The following CA7 variants were observed in gnomAD, a reference collection of about 807,000 sequenced individuals.
CA7 encodes carbonate dehydratase VII.
Under a neutral mutation model 31.4 loss-of-function variants are expected in CA7, and 13 were observed. The ratio of observed to expected loss-of-function variants is 0.41; its 90% confidence interval spans 0.27 to 0.66. CA7 has a LOEUF of 0.66. Among genes scored for constraint, CA7 ranks in the 30% least tolerant of loss-of-function variants. CA7 has a pLI of 0.28. For synonymous variants in CA7, 128 were observed against 133.2 expected, an observed-to-expected ratio of 0.96 and a Z score of 0.27; for missense variants, 215 against 351.0, an observed-to-expected ratio of 0.61 and a Z score of 3.10.
At chr16:66,848,839 C>T (rs1426827055) in intron 2 of CA7, among the ~76,000 whole-genome samples, 1 of 152,182 alleles carries the variant, frequency 6.6e-6, no homozygotes, top group Non-Finnish European at 1.5e-5. Context: ...GTGGCATCTG[C>T]AGACCTATCC....
At chr16:66,848,939 C>A (rs879796047) in intron 2 of CA7, among the ~76,000 whole-genome samples, 19 of 152,172 alleles carry the variant, frequency 1.2e-4, no homozygotes, top group Admixed American at 1.2e-3. Flanking sequence ...CTCCCAGACT[C>A]CTAGCCAGTG....
Position 66,852,801 on chromosome 16 carries a change from T to G in CA7, c.606T>G (p.Thr202=). ...HYWTYPGSLT[T]PPLSESVTWI... is the part of the protein sequence containing the mutation. ...GGACCTACCCGGGCTCTCTGACGAC[T>G]CCCCCACTCAGTGAGAGTGTCACCT... The change falls in exon 6 of 7, where the codon ACT becomes ACG. Residue 202 remains threonine (T), a synonymous_variant. Transcript: ENST00000338437. The G allele has an allele frequency of 6.2e-7, 1 of 1,613,824 alleles. No individual in the cohort carries two copies. Among genetic ancestry groups the G allele is most frequent in the South Asian group, 1.1e-5 (1 of 91,058 alleles).
chr16:66,850,592 T>G lies in CA7; in HGVS notation c.290T>G (p.Phe97Cys). 2 of 1,614,142 alleles carry G rather than the reference T, an allele frequency of 1.2e-6. No individual in the cohort carries two copies. The highest frequency in any genetic ancestry group is 1.7e-6 in the Non-Finnish European group (2 of 1,179,994). The change falls in exon 3 of 7, where the codon TTC becomes TGC. Residue 97 changes from phenylalanine to cysteine, a missense_variant. Transcript: ENST00000338437. Reference sequence around the variant, plus strand: ...CCCTACCGCCTCAAGCAGTTTCACTTCCACTGGGGCAAGAAGCACGATGTG... The same window carrying G: ...CCCTACCGCCTCAAGCAGTTTCACTGCCACTGGGGCAAGAAGCACGATGTG... Reference protein sequence around the residue: ...EGPYRLKQFHFHWGKKHDVGS... With the variant: ...EGPYRLKQFHCHWGKKHDVGS...
chr16:66,853,691 G>T lies in CA7; in HGVS notation c.*193G>T. 1 of 647,224 alleles carries T rather than the reference G, an allele frequency of 1.5e-6. No individual in the cohort carries two copies. The highest frequency in any genetic ancestry group is 2.6e-6 in the Non-Finnish European group (1 of 385,180). 40.1% of individuals were successfully genotyped at this position (647,224 alleles called of 1,614,324 possible). On this transcript the variant is annotated 3_prime_UTR_variant, in exon 7 of 7. Coordinates refer to ENST00000338437, the MANE Select transcript of CA7 (RefSeq NM_005182.3). This position sits in a 1 kb window ranked among gnomAD's most constrained non-coding sequence, Gnocchi z 4.5. Reference sequence around the variant, plus strand: ...TGGGGCACCCTTCAGCTGCCCTGGGGACAGGAAGGACAGGAGCTAAGCAGG... The same window carrying T: ...TGGGGCACCCTTCAGCTGCCCTGGGTACAGGAAGGACAGGAGCTAAGCAGG...
intron 1 of CA7, among the ~76,000 whole-genome samples, chr16:66,845,552 TA>T (rs2145375829): frequency 6.6e-6 from 1 of 152,026 alleles, no homozygotes; most frequent in Non-Finnish European, 1.5e-5. Context: ...CAAAGGAGCA[TA>T]TTTTGGAAGA....
chr16:66,849,712 T>C (rs974169189), intron 2 of CA7, among the ~76,000 whole-genome samples: 1 of 152,056 alleles, frequency 6.6e-6, no homozygotes, highest in Non-Finnish European at 1.5e-5. Context: ...GACAGCTAGA[T>C]AGAGAGCTGT....
intron 1 of CA7, chr16:66,844,964 G>A (rs1014795265): frequency 2.0e-6 from 2 of 998,184 alleles, no homozygotes; most frequent in Middle Eastern, 5.0e-4. Flanking sequence ...GGGGAGCGGG[G>A]CTCCGCGTGG....
In CA7 at chr16:66,853,276, G is replaced by T; in HGVS notation, c.673-100G>T. On this transcript the variant is annotated intron_variant, in intron 6 of 6. Coordinates refer to ENST00000338437, the MANE Select transcript of CA7 (RefSeq NM_005182.3). This position sits in a 1 kb window ranked among gnomAD's most constrained non-coding sequence, Gnocchi z 4.5. ...GACCCTAAGGGAAGGAGGAGGGAGG[G>T]GTAGAGCTGGCTGGGCAGGTATGCC... 1 of 1,446,768 alleles carries T rather than the reference G, an allele frequency of 6.9e-7. No homozygotes were observed. The highest frequency in any genetic ancestry group is 1.2e-5 in the South Asian group (1 of 81,584). 89.6% of individuals were successfully genotyped at this position (1,446,768 alleles called of 1,614,324 possible).
In CA7 at chr16:66,851,538, G is replaced by A. The variant is rs756430457; in HGVS notation, c.433G>A (p.Val145Met). ...EAASAPDGLA[V>M]VGVFLETGDE... ...GGCCTCAGCACCTGATGGCCTGGCT[G>A]TGGTTGGTGTTTTTTTGGAGGTGAG... Residue 145 changes from valine to methionine, a missense_variant, in exon 4 of 7, where the codon GTG becomes ATG. Transcript: ENST00000338437. The A allele has an allele frequency of 2.5e-6, 4 of 1,614,158 alleles. No homozygotes were observed. Among genetic ancestry groups the A allele is most frequent in the Non-Finnish European group, 3.4e-6 (4 of 1,180,006 alleles).
chr16:66,853,244 A>C lies in CA7; in HGVS notation c.673-132A>C. 1 of 1,105,946 alleles carries C rather than the reference A, an allele frequency of 9.0e-7. No individual in the cohort carries two copies. The highest frequency in any genetic ancestry group is 2.4e-5 in the East Asian group (1 of 41,920). 68.5% of individuals were successfully genotyped at this position (1,105,946 alleles called of 1,614,324 possible). ...CAGAGAAAAATGAGTGGGGAAGAGT[A>C]GGGACAGACCCTAAGGGAAGGAGGA... On this transcript the variant is annotated intron_variant, in intron 6 of 6. Transcript: ENST00000338437. This position sits in a 1 kb window ranked among gnomAD's most constrained non-coding sequence, Gnocchi z 4.5.
At position 66,853,516 on chromosome 16, in the gene CA7, C is replaced by T. The variant is rs371139723; in HGVS notation, c.*18C>T. 1.9e-6 allele frequency: 3 copies of T among 1,613,268 alleles called. No individual in the cohort carries two copies. The highest frequency in any genetic ancestry group is 2.5e-6 in the Non-Finnish European group (3 of 1,179,814). On this transcript the variant is annotated 3_prime_UTR_variant, in exon 7 of 7. Coordinates refer to ENST00000338437, the MANE Select transcript of CA7 (RefSeq NM_005182.3). The surrounding 1 kb of genome is among the most constrained non-coding windows in gnomAD (Gnocchi z 4.5). ...GGGCCTGAGCTGCCCATCTGCCTAG[C>T]CGGCCACTAGGGCACCATCTTCTCA... is the stretch of plus-strand genomic sequence containing the variant.
Position 66,853,398 on chromosome 16 carries a change from T to C in CA7, c.695T>C (p.Leu232Pro). The stretch of plus-strand genomic sequence containing the variant: ...AAGATGGGGAAGTTCCGGAGCCTGC[T>C]TTTTACCTCGGAGGACGATGAGAGG... ...ERQMGKFRSLLFTSEDDERIH... is the reference protein window; with the variant it reads ...ERQMGKFRSLPFTSEDDERIH... The change falls in exon 7 of 7, where the codon CTT (leucine) becomes CCT (proline). Residue 232 changes from leucine (L) to proline (P), a missense_variant. Physicochemically the swap from Leu to Pro is moderately conservative, Grantham distance 98 (BLOSUM62 -3). Coordinates refer to ENST00000338437, the MANE Select transcript of CA7 (RefSeq NM_005182.3). This position sits in a 1 kb window ranked among gnomAD's most constrained non-coding sequence, Gnocchi z 4.5. 1.2e-6 allele frequency: 2 copies of C among 1,614,144 alleles called. No homozygotes were observed. Among genetic ancestry groups the C allele is most frequent in the Non-Finnish European group, 1.7e-6 (2 of 1,180,018 alleles).
At chr16:66,847,254 A>C (rs1567505421) in intron 2 of CA7, 27 bp downstream of exon 2, 2 of 1,608,258 alleles carry the variant, frequency 1.2e-6, no homozygotes, top group Admixed American at 3.3e-5. Flanking sequence ...AAAGCCTGGC[A>C]CCTGGCCCCT....
In CA7 at chr16:66,851,733, T is replaced by C. The variant is rs757128282; in HGVS notation, c.516+7T>C. 6.2e-7 allele frequency: 1 copy of C among 1,612,636 alleles called. No individual in the cohort carries two copies. The highest frequency in any genetic ancestry group is 2.2e-5 in the East Asian group (1 of 44,786). ...CTACATGGTCCGGTTCAAGGTAAAG[T>C]CCCTGCCCCTGACCCAAGCAGCCCG... On this transcript the variant is annotated splice_region_variant and intron_variant, in intron 5 of 6. Transcript: ENST00000338437.
At chr16:66,849,254 C>T (rs970313104) in intron 2 of CA7, among the ~76,000 whole-genome samples, 8 of 152,140 alleles carry the variant, frequency 5.3e-5, no homozygotes, top group African/African-American at 1.7e-4. Context: ...ACAAGTGGGG[C>T]CCTCAGAAGA....
chr16:66,851,184 T>C (rs1244721384), intron 3 of CA7, among the ~76,000 whole-genome samples: 1 of 152,224 alleles, frequency 6.6e-6, no homozygotes, highest in Admixed American at 6.5e-5. Context: ...TGGATGTTCA[T>C]GATCGATTTC....
At position 66,850,872 on chromosome 16, in the gene CA7, A is replaced by G. The variant is rs1597062823; in HGVS notation, c.357+213A>G. On this transcript the variant is annotated intron_variant, in intron 3 of 6. Transcript: ENST00000338437. ...ATCCTTCCTGGTCTGTGCGTCGTGG[A>G]GTTTTCTGAAGGGCTACCCAGTCCC... 2.0e-5 allele frequency among the ~76,000 whole-genome samples: 3 copies of G among 152,156 alleles called. 1 individual carries two copies. The East Asian group carries it at 5.8e-4, about 29-fold the overall frequency.
At chr16:66,852,515 AG>A (rs970859521) in intron 5 of CA7, among the ~76,000 whole-genome samples, 196 bp from the exon 6 acceptor site, 16 of 148,076 alleles carry the variant, frequency 1.1e-4, no homozygotes, top group Admixed American at 2.0e-4. Flanking sequence ...AGGGGAAGGA[AG>A]GAAGGAAGGA....
chr16:66,852,681 C>T, intron 5 of CA7, 31 bp from the exon 6 acceptor site: 3 of 1,595,720 alleles, frequency 1.9e-6, no homozygotes, highest in Non-Finnish European at 2.6e-6. Flanking sequence ...GAGGTCTATG[C>T]TGATTCCTGG....
Sources: allele counts gnomAD v4.1 joint callset (sites outside exome capture counted in the v4.1 genomes callset), GRCh38; gene constraint gnomAD v4.1.1; non-coding constraint Gnocchi (gnomAD v3.1); transcripts MANE v1.5; gene names NCBI Gene and HGNC (gene_info 2026-07-23, HGNC 2026-07-21).